The following FAM76A variants were observed in gnomAD, a reference collection of about 807,000 sequenced individuals.
FAM76A encodes the protein family with sequence similarity 76 member A, also known as protein FAM76A.
FAM76A carries 32 observed loss-of-function variants against 46.2 expected under a neutral mutation model. That is an observed-to-expected ratio of 0.69 (90% CI 0.52 to 0.93). FAM76A has a LOEUF of 0.93. Ranked by LOEUF, FAM76A falls within the 40% of genes least tolerant of loss-of-function variation. The pLI is 0.00. For synonymous variants in FAM76A, 137 were observed against 127.0 expected, an observed-to-expected ratio of 1.08 and a Z score of -0.53; for missense variants, 274 against 361.5, an observed-to-expected ratio of 0.76 and a Z score of 1.96.
chr1:27,750,879 A>T (rs1331873297), intron 6 of FAM76A, among the ~76,000 whole-genome samples: 1 of 152,230 alleles, frequency 6.6e-6, no homozygotes, highest in Non-Finnish European at 1.5e-5. Flanking sequence ...ATATTAAATG[A>T]TCATTTTGAC....
chr1:27,759,779 G>GTTTTTT (rs542481822), intron 8 of FAM76A, 152 bp downstream of exon 8: 8 of 363,562 alleles, frequency 2.2e-5, no homozygotes, highest in South Asian at 2.1e-4. Context: ...TTTTTTTTTT[G>GTTTTTT]TTTTTTTTTT....
intron 6 of FAM76A, among the ~76,000 whole-genome samples, chr1:27,754,747 A>G (rs375968487): frequency 5.9e-5 from 9 of 152,182 alleles, no homozygotes; most frequent in African/African-American, 2.2e-4. Context: ...GACAGAAGAC[A>G]AGGACCTGAA....
At chr1:27,732,490 A>G in intron 2 of FAM76A, 113 bp from the exon 3 acceptor site, 1 of 721,588 alleles carries the variant, frequency 1.4e-6, no homozygotes, top group Admixed American at 2.4e-5. Context: ...TTAACCAAGC[A>G]TCCAGACCAT....
intron 4 of FAM76A, chr1:27,739,408 A>G (rs2088111791): frequency 5.8e-6 from 3 of 512,874 alleles, no homozygotes; most frequent in African/African-American, 2.0e-5. Flanking sequence ...CTTCAGGCCA[A>G]CCTCGTGGAA....
At chr1:27,750,236 A>T (rs1280999354) in intron 6 of FAM76A, among the ~76,000 whole-genome samples, 1 of 152,242 alleles carries the variant, frequency 6.6e-6, no homozygotes, top group Non-Finnish European at 1.5e-5. Context: ...GATACAAAAC[A>T]TTCTTTCCCA....
intron 2 of FAM76A, among the ~76,000 whole-genome samples, chr1:27,731,323 C>T (rs2087954166): frequency 6.6e-6 from 1 of 151,598 alleles, no homozygotes; most frequent in African/African-American, 2.4e-5. Flanking sequence ...TCTGCCTCAG[C>T]CCCCTGAGTA....
intron 7 of FAM76A, among the ~76,000 whole-genome samples, chr1:27,757,208 T>TTTTTTG: frequency 7.4e-6 from 1 of 135,492 alleles, no homozygotes; most frequent in Non-Finnish European, 1.6e-5. Context: ...TTTTTTTTTT[T>TTTTTTG]TTTTTGAGAC....
At chr1:27,741,025 G>C (rs1037197623) in intron 4 of FAM76A, among the ~76,000 whole-genome samples, 1 of 151,488 alleles carries the variant, frequency 6.6e-6, no homozygotes, top group African/African-American at 2.4e-5. Context: ...CCAGCTACTC[G>C]TGAGGCTGAG....
intron 6 of FAM76A, among the ~76,000 whole-genome samples, chr1:27,753,082 C>G (rs942812783): frequency 6.6e-6 from 1 of 152,192 alleles, no homozygotes; most frequent in Non-Finnish European, 1.5e-5. Flanking sequence ...ATCACTTGAA[C>G]CCAGGAGGCA....
chr1:27,749,494 A>G (rs932291027), intron 6 of FAM76A, among the ~76,000 whole-genome samples: 2 of 152,162 alleles, frequency 1.3e-5, no homozygotes, highest in African/African-American at 4.8e-5. Flanking sequence ...CAGTCTCCCA[A>G]GTAGTTGGAA....
At chr1:27,751,800 CTTTT>C (rs920841771) in intron 6 of FAM76A, among the ~76,000 whole-genome samples, 1 of 150,904 alleles carries the variant, frequency 6.6e-6, no homozygotes, top group African/African-American at 2.4e-5. Context: ...CTATGCCTGG[CTTTT>C]TTTGTTTTTT....
chr1:27,744,923 G>T lies in FAM76A; in HGVS notation c.512+112G>T, dbSNP rs939592842. 37 of 1,019,224 alleles carry T rather than the reference G, an allele frequency of 3.6e-5. No individual in the cohort carries two copies. In the African/African-American group the frequency reaches 5.5e-4, roughly 15 times the overall value. The allele number at this position is 1,019,224 out of a possible 1,614,324, so 63.1% of individuals were successfully genotyped here. A position where few individuals can be genotyped will look rare whatever the true frequency, so the allele number is the denominator to read the frequency against. On this transcript the variant is annotated intron_variant, in intron 5 of 8. Coordinates refer to ENST00000373954, the MANE Select transcript of FAM76A (RefSeq NM_152660.3). ...CTCATATACATTTTCTATATTCTCT[G>T]TAGGTACTAGTCTGTAGGAGGAAGC...
intron 4 of FAM76A, chr1:27,740,494 CA>C (rs1233302928): frequency 6.9e-7 from 1 of 1,444,642 alleles, no homozygotes; most frequent in Non-Finnish European, 9.7e-7. Context: ...ACACTGTCCA[CA>C]AGTGTGCAGA....
intron 4 of FAM76A, among the ~76,000 whole-genome samples, chr1:27,744,362 C>T (rs567872181): frequency 2.6e-5 from 4 of 152,210 alleles, no homozygotes; most frequent in Non-Finnish European, 5.9e-5. Context: ...CTCCTGACCT[C>T]GTGATCTACC....
chr1:27,732,439 A>C (rs539499146), intron 2 of FAM76A, among the ~76,000 whole-genome samples, 164 bp from the exon 3 acceptor site: 3 of 152,120 alleles, frequency 2.0e-5, no homozygotes, highest in Non-Finnish European at 4.4e-5. Context: ...AAAATATTGA[A>C]TAAAAATAAA....
At chr1:27,732,828 C>T (rs2087982724) in intron 3 of FAM76A, among the ~76,000 whole-genome samples, 171 bp downstream of exon 3, 1 of 152,074 alleles carries the variant, frequency 6.6e-6, no homozygotes, top group African/African-American at 2.4e-5. Context: ...TGTTAAGGAA[C>T]TCTGTGTTTA....
chr1:27,759,255 A>G (rs927454024), intron 7 of FAM76A, among the ~76,000 whole-genome samples: 18 of 152,212 alleles, frequency 1.2e-4, no homozygotes, highest in African/African-American at 4.3e-4. Context: ...ATATAATCAT[A>G]TAATCAGTTT....
intron 4 of FAM76A, among the ~76,000 whole-genome samples, chr1:27,741,385 C>T (rs772297475): frequency 2.0e-5 from 3 of 151,752 alleles, no homozygotes; most frequent in Non-Finnish European, 1.5e-5. Flanking sequence ...AAGGTTTCAC[C>T]ATGGTCTCAA....
At chr1:27,739,312 A>G (rs1571478149) in intron 4 of FAM76A, 2 of 527,294 alleles carry the variant, frequency 3.8e-6, no homozygotes, top group East Asian at 1.1e-4. Flanking sequence ...GATCCAAATA[A>G]TGACTTCAGA....
Sources: gnomAD v4.1 joint callset for allele counts (sites outside exome capture counted in the v4.1 genomes callset) on GRCh38, gnomAD v4.1.1 for gene constraint, MANE v1.5 for transcripts, NCBI Gene and HGNC (gene_info 2026-07-23, HGNC 2026-07-21) for gene names.